Variants in DGKE observed in about 807,000 individuals in gnomAD.
DGKE encodes the protein diacylglycerol kinase epsilon.
In DGKE, 53 loss-of-function variants were observed where a neutral mutation model predicts 70.0. The ratio of observed to expected loss-of-function variants is 0.76; its 90% CI spans 0.61 to 0.95. The LOEUF (loss-of-function observed/expected upper bound fraction) is 0.95. Ranked by LOEUF, DGKE falls within the 40% of genes least tolerant of loss-of-function variation. DGKE has a pLI of 0.00. For synonymous variants in DGKE, 291 were observed against 257.0 expected (o/e 1.13, Z -1.27); for missense variants, 655 against 706.9 (o/e 0.93, Z 0.83).
intron 7 of DGKE, among the ~76,000 whole-genome samples, chr17:56,850,111 C>T (rs1907558108): frequency 6.6e-6 from 1 of 151,662 alleles, no homozygotes; most frequent in Admixed American, 6.6e-5. Flanking sequence ...CCAAGAACTA[C>T]ATCTTTTCTT....
chr17:56,848,637 T>C, intron 5 of DGKE, 59 bp from the exon 6 acceptor site: 2 of 1,564,948 alleles, frequency 1.3e-6, no homozygotes, highest in Non-Finnish European at 8.7e-7. Context: ...TTTTACAAAA[T>C]ATTATTACCC....
At position 56,861,805 on chromosome 17, in the gene DGKE, T is replaced by C; in HGVS notation, c.1299T>C (p.Gly433=). ...TTTCTTTAAAGCTAGAACTGGATGG[T>C]GAGCGAGTAGCACTGCCCAGCTTGG... The part of the protein sequence containing the change: ...LNKKVELELD[G]ERVALPSLEG... Residue 433 remains glycine, a synonymous_variant, in exon 10 of 12, where the codon GGT becomes GGC. Transcript: ENST00000284061. 1 of 1,612,948 alleles carries C rather than the reference T, an allele frequency of 6.2e-7. No individual in the cohort carries two copies. Among genetic ancestry groups the C allele is most frequent in the Non-Finnish European group, 8.5e-7 (1 of 1,179,780 alleles).
chr17:56,851,910 A>C (rs1173969392), intron 7 of DGKE, among the ~76,000 whole-genome samples: 1 of 152,156 alleles, frequency 6.6e-6, no homozygotes. Context: ...AAATACAACA[A>C]AAAGCAAAGG....
chr17:56,850,162 A>G (rs1297584524), intron 7 of DGKE, among the ~76,000 whole-genome samples: 4 of 151,156 alleles, frequency 2.6e-5, no homozygotes, highest in East Asian at 1.9e-4. Context: ...GTCTCAGTCT[A>G]TCACTCAAGC....
chr17:56,856,863 C>G (rs970341275), intron 8 of DGKE, among the ~76,000 whole-genome samples: 3 of 151,642 alleles, frequency 2.0e-5, no homozygotes, highest in African/African-American at 7.3e-5. Flanking sequence ...TTTTGGGAGG[C>G]GGAGGCAGGT....
chr17:56,857,693 A>C (rs985189797), intron 8 of DGKE, among the ~76,000 whole-genome samples: 1 of 152,234 alleles, frequency 6.6e-6, no homozygotes, highest in African/African-American at 2.4e-5. Context: ...CTGAAGTACT[A>C]GGAAAAAGTG....
rs973325688 is a variant in DGKE, at chr17:56,867,424, A to G, written c.*4633A>G. ...AGACAAGCCTGGTCAACATGGTGAA[A>G]CGCCGTCTCTACTAAAAATACAAAA... On this transcript the variant is annotated 3_prime_UTR_variant, in exon 12 of 12. Coordinates refer to ENST00000284061, the MANE Select transcript of DGKE (RefSeq NM_003647.3). The G allele has an allele frequency of 4.6e-5, 7 of 152,094 alleles. No homozygotes were observed. Among genetic ancestry groups the G allele is most frequent in the Non-Finnish European group, 1.0e-4 (7 of 68,056 alleles). 9.4% of individuals were successfully genotyped at this position (152,094 alleles called of 1,614,324 possible).
In DGKE at chr17:56,834,821, C is replaced by T; in HGVS notation, c.26C>T (p.Pro9Leu). Residue 9 changes from proline (P) to leucine (L), a missense_variant, in exon 2 of 12, where the codon CCG becomes CTG. Transcript: ENST00000284061. ...ATGGAAGCGGAGAGGCGGCCGGCGCCGGGCTCGCCCTCCGAGGGCCTGTTT... is the reference window on the plus strand; with the variant it reads ...ATGGAAGCGGAGAGGCGGCCGGCGCTGGGCTCGCCCTCCGAGGGCCTGTTT... Reference protein sequence around the residue: MEAERRPAPGSPSEGLFAD... With the variant: MEAERRPALGSPSEGLFAD... 2 of 1,605,970 alleles carry T rather than the reference C, an allele frequency of 1.2e-6. No individual in the cohort carries two copies. The highest frequency in any genetic ancestry group is 1.7e-6 in the Non-Finnish European group (2 of 1,177,020).
intron 4 of DGKE, among the ~76,000 whole-genome samples, chr17:56,847,155 C>T (rs910496234): frequency 6.6e-6 from 1 of 151,910 alleles, no homozygotes; most frequent in Non-Finnish European, 1.5e-5. Context: ...ATCAAAGTTA[C>T]TTGCATTTTT....
chr17:56,859,486 C>A (rs1908160730), intron 9 of DGKE, among the ~76,000 whole-genome samples: 1 of 149,604 alleles, frequency 6.7e-6, no homozygotes, highest in Non-Finnish European at 1.5e-5. Context: ...GTGGTGCGAT[C>A]TCCGCTCACT....
chr17:56,862,173 A>G lies in DGKE; in HGVS notation c.1446A>G (p.Val482=). Residue 482 remains valine, a synonymous_variant, in exon 11 of 12, where the codon GTA becomes GTG. Transcript: ENST00000284061. ...HDDGLLEVVG[V]YGSFHCAQIQ... ...ATGGTCTGCTGGAAGTCGTTGGAGT[A>G]TATGGGTCTTTCCACTGTGCTCAGA... 1.2e-6 allele frequency: 2 copies of G among 1,614,218 alleles called. No homozygotes were observed. Among genetic ancestry groups the G allele is most frequent in the African/African-American group, 1.3e-5 (1 of 75,068 alleles).
intron 8 of DGKE, among the ~76,000 whole-genome samples, chr17:56,857,130 T>TTA (rs1361435800): frequency 1.3e-5 from 2 of 152,196 alleles, no homozygotes; most frequent in African/African-American, 4.8e-5. Context: ...TATCAAAGTA[T>TTA]TATATAACTC....
intron 9 of DGKE, among the ~76,000 whole-genome samples, chr17:56,861,360 GT>G (rs1380838017): frequency 6.6e-6 from 1 of 152,186 alleles, no homozygotes; most frequent in East Asian, 1.9e-4. Flanking sequence ...TTACATAAGA[GT>G]TTTTGGTGCC....
chr17:56,849,011 A>G (rs1159718011), intron 6 of DGKE, among the ~76,000 whole-genome samples, 158 bp downstream of exon 6: 5 of 152,230 alleles, frequency 3.3e-5, no homozygotes, highest in Non-Finnish European at 7.3e-5. Flanking sequence ...TTATTATGTA[A>G]GAGCCGAAGT....
rs1178043216 is a variant in DGKE at position 56,863,365 on chromosome 17, A to T, written c.*574A>T. 6.6e-6 allele frequency: 1 copy of T among 152,230 alleles called. No homozygotes were observed. The highest frequency in any genetic ancestry group is 1.5e-5 in the Non-Finnish European group (1 of 68,044). 9.4% of individuals were successfully genotyped at this position (152,230 alleles called of 1,614,324 possible). A position where few individuals can be genotyped will look rare whatever the true frequency, so the allele number is the denominator to read the frequency against. ...AAAAAAGATCATACTTAAAATTTGTATTACAATTTTTATTTTAGGAACTTA... is the reference window on the plus strand; with the variant it reads ...AAAAAAGATCATACTTAAAATTTGTTTTACAATTTTTATTTTAGGAACTTA... On this transcript the variant is annotated 3_prime_UTR_variant, in exon 12 of 12. Transcript: ENST00000284061.
rs1351245490 is a variant in DGKE, at chr17:56,834,874, C to G, written c.79C>G (p.Leu27Val). Residue 27 changes from leucine to valine, a missense_variant, in exon 2 of 12, where the codon CTG becomes GTG. By Grantham distance (32) the Leu-to-Val change is conservative. Transcript: ENST00000284061. ...FADGHLILWTLCSVLLPVFIT... is the reference protein window; with the variant it reads ...FADGHLILWTVCSVLLPVFIT... ...GGACGGGCACCTGATCTTGTGGACG[C>G]TGTGCTCGGTCCTGCTGCCGGTGTT... 6.2e-7 allele frequency: 1 copy of G among 1,613,286 alleles called. No individual in the cohort carries two copies. Among genetic ancestry groups the G allele is most frequent in the Non-Finnish European group, 8.5e-7 (1 of 1,179,758 alleles).
In DGKE at chr17:56,835,081, G is replaced by T; in HGVS notation, c.286G>T (p.Glu96Ter). 6.2e-7 allele frequency: 1 copy of T among 1,613,542 alleles called. No individual in the cohort carries two copies. The highest frequency in any genetic ancestry group is 8.5e-7 in the Non-Finnish European group (1 of 1,180,044). Residue 96 changes from glutamate (E) to a stop codon, truncating the protein, a stop_gained, in exon 2 of 12, where the codon GAG becomes TAG. Transcript: ENST00000284061. LOFTEE classifies it high-confidence loss of function. ...CGACTGCTGCGGGCTCCGCGTGGAC[G>T]AGGGCTGCCTCAGGAAGGCCGACAA... ...FCDCCGLRVD[E>*]GCLRKADKRF...
rs1166345690 is a variant in DGKE, at chr17:56,866,194, T to G, written c.*3403T>G. The stretch of plus-strand genomic sequence containing the variant: ...CCCCTGTCTTTTTCAATTTTTCCCT[T>G]GAAGCCTTTCTCTTGTTCTTCAGAG... On this transcript the variant is annotated 3_prime_UTR_variant, in exon 12 of 12. Coordinates refer to ENST00000284061, the MANE Select transcript of DGKE (RefSeq NM_003647.3). The G allele has an allele frequency of 6.6e-6, 1 of 152,246 alleles. No homozygotes were observed. Among genetic ancestry groups the G allele is most frequent in the Non-Finnish European group, 1.5e-5 (1 of 68,042 alleles). 9.4% of individuals were successfully genotyped at this position (152,246 alleles called of 1,614,324 possible).
At chr17:56,859,918 G>A (rs373908322) in intron 9 of DGKE, among the ~76,000 whole-genome samples, 5 of 152,180 alleles carry the variant, frequency 3.3e-5, no homozygotes, top group East Asian at 1.9e-4. Flanking sequence ...AAATGTTGCC[G>A]TTAGGCGTAA....
Sources: allele counts gnomAD v4.1 joint callset (sites outside exome capture counted in the v4.1 genomes callset), GRCh38; gene constraint gnomAD v4.1.1; transcripts MANE v1.5; gene names NCBI Gene and HGNC (gene_info 2026-07-23, HGNC 2026-07-21).